Variants in ANKRD45 observed in about 807,000 individuals in gnomAD.
The protein encoded by ANKRD45 is ankyrin repeat domain 45, also known as ankyrin repeat domain-containing protein 45.
In ANKRD45, 21 loss-of-function variants were observed where a neutral mutation model predicts 28.1. The ratio of observed to expected loss-of-function variants is 0.75; its 90% CI spans 0.53 to 1.08. ANKRD45 has a LOEUF of 1.08. Ranked by LOEUF, ANKRD45 falls within the 50% of genes least tolerant of loss-of-function variation. The probability of loss-of-function intolerance (pLI) is 0.00; values close to 1 mark genes in which losing one functional copy is unlikely to be tolerated. For missense variants in ANKRD45, 261 were observed against 308.7 expected, an observed-to-expected ratio of 0.85 and a Z score of 1.16; for synonymous variants, 86 against 103.9, an observed-to-expected ratio of 0.83 and a Z score of 1.05.
chr1:173,691,546 G>C, the ANKRD45 span, among the ~76,000 whole-genome samples: 1 of 152,240 alleles, frequency 6.6e-6, no homozygotes, highest in Non-Finnish European at 1.5e-5. Flanking sequence ...AGCACTTTGG[G>C]AGGCCAAGAT....
intron 2 of ANKRD45, 70 bp downstream of exon 2, chr1:173,659,021 C>T: frequency 6.5e-7 from 1 of 1,548,152 alleles, no homozygotes; most frequent in South Asian, 1.3e-5. Flanking sequence ...ATATATCTAA[C>T]CTTAAAGATA....
intron 5 of ANKRD45, among the ~76,000 whole-genome samples, chr1:173,621,934 A>C: frequency 6.6e-6 from 1 of 152,218 alleles, no homozygotes; most frequent in East Asian, 1.9e-4. Flanking sequence ...AAAGCTTCTT[A>C]AACTGATAAG....
intron 3 of ANKRD45, among the ~76,000 whole-genome samples, chr1:173,641,220 C>G (rs1668685489): frequency 6.6e-6 from 1 of 152,192 alleles, no homozygotes; most frequent in South Asian, 2.1e-4. Context: ...ATTAAATATT[C>G]CATTCGCACT....
chr1:173,646,858 G>A lies in ANKRD45; in HGVS notation c.484C>T (p.Leu162=), dbSNP rs1668956797. ...RYSQTECVEF[L]DWADARLTLK... is the part of the protein sequence containing the mutation. ...TGAGCTTCCTTACCTGCCCAGTCCA[G>A]GAATTCAACACACTCAGTCTGAGAA... Residue 162 remains leucine (L), a synonymous_variant, in exon 3 of 6, where the codon CTG becomes TTG. Coordinates refer to ENST00000333279, the MANE Select transcript of ANKRD45 (RefSeq NM_198493.3). 5 of 1,614,060 alleles carry A rather than the reference G, an allele frequency of 3.1e-6. No individual in the cohort carries two copies. In the South Asian group the frequency reaches 3.3e-5, roughly 11 times the overall value.
At chr1:173,632,305 G>A (rs1459354884) in intron 3 of ANKRD45, among the ~76,000 whole-genome samples, 2 of 151,714 alleles carry the variant, frequency 1.3e-5, no homozygotes, top group Non-Finnish European at 1.5e-5. Context: ...TCCAAAACCT[G>A]AATAAACCAA....
the ANKRD45 span, among the ~76,000 whole-genome samples, chr1:173,678,760 C>G: frequency 1.3e-5 from 2 of 152,268 alleles, no homozygotes; most frequent in South Asian, 4.1e-4. Context: ...AAGAGGGAGT[C>G]AAATTGTCTC....
At chr1:173,662,644 T>C (rs1669827510) in intron 1 of ANKRD45, among the ~76,000 whole-genome samples, 1 of 152,194 alleles carries the variant, frequency 6.6e-6, no homozygotes. Flanking sequence ...CTCATCTTAA[T>C]TGATGGCAGG....
chr1:173,639,660 T>C (rs1197832989), intron 3 of ANKRD45, among the ~76,000 whole-genome samples: 1 of 152,114 alleles, frequency 6.6e-6, no homozygotes, highest in Non-Finnish European at 1.5e-5. Context: ...CATAAAGAAA[T>C]CACCTCCAAG....
the ANKRD45 span, among the ~76,000 whole-genome samples, chr1:173,680,240 G>A: frequency 1.3e-5 from 2 of 152,282 alleles, no homozygotes; most frequent in Middle Eastern, 3.4e-3. Context: ...ACATGCACAC[G>A]TGTGTTTATT....
At chr1:173,687,454 A>AC in the ANKRD45 span, among the ~76,000 whole-genome samples, 10,859 of 73,958 alleles carry the variant, frequency 0.15, 531 homozygotes, top group East Asian at 0.31. Context: ...TATAAATTCT[A>AC]CCCCCCCCCC....
intron 3 of ANKRD45, chr1:173,635,775 C>G: frequency 6.5e-7 from 1 of 1,535,456 alleles, no homozygotes; most frequent in Non-Finnish European, 8.7e-7. Context: ...TTATTACAAG[C>G]TGTCTTCTTC....
In ANKRD45 at chr1:173,608,768, GGAGA is replaced by G. The variant is rs142383048; in HGVS notation, c.*1373_*1376del. On this transcript the variant is annotated 3_prime_UTR_variant, in exon 6 of 6. Transcript: ENST00000333279. ...ACCCTGTCAAGAAGGTTGCGGGGGTGGAGAGAGAGAGAGAGATAAGAGAGGAAGA... is the reference window on the plus strand; with the variant it reads ...ACCCTGTCAAGAAGGTTGCGGGGGTGGAGAGAGAGAGATAAGAGAGGAAGA... Among the ~76,000 whole-genome samples, 8 of 143,590 alleles carry G rather than the reference GGAGA, an allele frequency of 5.6e-5. No individual in the cohort carries two copies. The South Asian group carries it at 1.6e-3, about 29-fold the overall frequency. The allele number at this position is 143,590 out of a possible 152,430, so 94.2% of individuals were successfully genotyped here.
the ANKRD45 span, among the ~76,000 whole-genome samples, chr1:173,681,793 T>G: frequency 6.6e-6 from 1 of 152,170 alleles, no homozygotes; most frequent in Admixed American, 6.6e-5. Context: ...GGCTCATACC[T>G]GTAATCCTAG....
chr1:173,690,062 G>GCC, the ANKRD45 span, among the ~76,000 whole-genome samples: 83 of 52,800 alleles, frequency 1.6e-3, 3 homozygotes, highest in East Asian at 0.021. Context: ...CCTGCCCCCC[G>GCC]CCCCCCCCCC....
chr1:173,652,412 T>C (rs1346247216), intron 2 of ANKRD45, among the ~76,000 whole-genome samples: 1 of 152,234 alleles, frequency 6.6e-6, no homozygotes, highest in African/African-American at 2.4e-5. Flanking sequence ...TTGATTTGTG[T>C]ATGTTGAACC....
intron 3 of ANKRD45, among the ~76,000 whole-genome samples, chr1:173,637,328 T>G (rs545892123): frequency 1.3e-5 from 2 of 152,346 alleles, no homozygotes; most frequent in Admixed American, 6.5e-5. Context: ...TAACCTCTCT[T>G]AGAAGCAAAA....
intron 3 of ANKRD45, among the ~76,000 whole-genome samples, chr1:173,641,249 T>TA (rs1668687016): frequency 6.6e-6 from 1 of 152,232 alleles, no homozygotes; most frequent in African/African-American, 2.4e-5. Context: ...AAGCGATTGT[T>TA]ACGCTTGTGC....
chr1:173,683,569 T>C, the ANKRD45 span, among the ~76,000 whole-genome samples: 2 of 152,102 alleles, frequency 1.3e-5, no homozygotes, highest in Non-Finnish European at 2.9e-5. Context: ...ATTTGAACCA[T>C]TAAGATAGCT....
chr1:173,676,328 C>A, the ANKRD45 span, among the ~76,000 whole-genome samples: 1 of 152,184 alleles, frequency 6.6e-6, no homozygotes, highest in South Asian at 2.1e-4. Context: ...TATGCTCCAA[C>A]TTTTGTTCAT....
Sources: allele counts gnomAD v4.1 joint callset (sites outside exome capture counted in the v4.1 genomes callset), GRCh38; gene constraint gnomAD v4.1.1; transcripts MANE v1.5; gene names NCBI Gene and HGNC (gene_info 2026-07-23, HGNC 2026-07-21).